The following CNTNAP2 variants were observed in gnomAD, a reference collection of about 807,000 sequenced individuals.
CNTNAP2 encodes the protein contactin associated protein 2.
In CNTNAP2, 98 loss-of-function variants were observed where a neutral mutation model predicts 155.2. The ratio of observed to expected loss-of-function variants is 0.63; its 90% CI spans 0.54 to 0.75. The LOEUF is 0.75. Among genes scored for constraint, CNTNAP2 ranks in the 30% least tolerant of loss-of-function variants. The pLI, the probability that CNTNAP2 is intolerant of heterozygous loss-of-function variation, is 0.00. For synonymous variants in CNTNAP2, 651 were observed against 631.2 expected (o/e 1.03, Z -0.47); for missense variants, 1,727 against 1,688.1 (o/e 1.02, Z -0.40).
chr7:147,080,834 A>G (rs1584824842), intron 4 of CNTNAP2: 1 of 151,518 alleles, frequency 6.6e-6, no homozygotes, highest in African/African-American at 2.4e-5. Context: ...TCGTTTTCCT[A>G]CCTCTTCCTG....
intron 9 of CNTNAP2, among the ~76,000 whole-genome samples, chr7:147,302,180 G>A (rs749589334): frequency 8.5e-5 from 13 of 152,188 alleles, no homozygotes; most frequent in Admixed American, 2.6e-4. Flanking sequence ...ATGGCCAACA[G>A]TTTTCATTGC....
Position 146,138,015 on chromosome 7 carries a change from A to G in CNTNAP2, c.97+21042A>G, listed in dbSNP as rs147283812. On this transcript the variant is annotated intron_variant, in intron 1 of 23. Transcript: ENST00000361727. The stretch of plus-strand genomic sequence containing the variant: ...TTCAAATTAGGTTTAAATATTTTTC[A>G]GTTAAATTTGGTTTTTGCAAACTAC... 5.3e-3 allele frequency among the ~76,000 whole-genome samples: 801 copies of G among 152,084 alleles called. 6 individuals carry two copies. Among genetic ancestry groups the G allele is most frequent in the African/African-American group, 0.018 (759 of 41,544 alleles).
chr7:147,460,843 A>G (rs1030766611), intron 10 of CNTNAP2, among the ~76,000 whole-genome samples: 3 of 152,206 alleles, frequency 2.0e-5, no homozygotes, highest in Non-Finnish European at 4.4e-5. Context: ...GGGCTGTGGA[A>G]TTGAATGTTG....
chr7:146,253,192 T>C (rs113225160), intron 1 of CNTNAP2, among the ~76,000 whole-genome samples: 2 of 152,324 alleles, frequency 1.3e-5, no homozygotes, highest in East Asian at 1.9e-4. Context: ...AGTGCTGCCA[T>C]TTCCTCACTA....
At chr7:147,116,295 G>A (rs905685645) in intron 5 of CNTNAP2, among the ~76,000 whole-genome samples, 4 of 152,182 alleles carry the variant, frequency 2.6e-5, no homozygotes, top group African/African-American at 9.7e-5. Context: ...TCAGTCAGGA[G>A]GAATGAGGTC....
chr7:147,924,572 C>G (rs1228438404), intron 14 of CNTNAP2, among the ~76,000 whole-genome samples: 4 of 152,190 alleles, frequency 2.6e-5, no homozygotes, highest in African/African-American at 9.7e-5. Context: ...CAAGACCACA[C>G]CATTCATAAG....
intron 3 of CNTNAP2, among the ~76,000 whole-genome samples, chr7:146,897,997 A>C (rs1280702587): frequency 6.6e-6 from 1 of 152,116 alleles, no homozygotes; most frequent in East Asian, 1.9e-4. Context: ...TTTGTGATAT[A>C]TACATTTCAC....
At chr7:148,011,640 A>G (rs1168899093) in intron 15 of CNTNAP2, among the ~76,000 whole-genome samples, 1 of 152,140 alleles carries the variant, frequency 6.6e-6, no homozygotes, top group African/African-American at 2.4e-5. Context: ...CTCTGTCTCA[A>G]CAGGATTTGG....
At chr7:146,203,528 C>T (rs1798899833) in intron 1 of CNTNAP2, among the ~76,000 whole-genome samples, 1 of 152,116 alleles carries the variant, frequency 6.6e-6, no homozygotes, top group Non-Finnish European at 1.5e-5. Context: ...CCAGAAGCCC[C>T]CAAGTGTTCG....
intron 8 of CNTNAP2, among the ~76,000 whole-genome samples, chr7:147,186,388 T>C (rs1033061768): frequency 9.8e-5 from 15 of 152,310 alleles, no homozygotes; most frequent in African/African-American, 3.6e-4. Context: ...TCATTTACTT[T>C]GAAGCAAACT....
chr7:146,215,073 A>C lies in CNTNAP2; in HGVS notation c.97+98100A>C, dbSNP rs566542610. ...CATCAAATCAAATGACTCATGTCACAGATACATAAATATTACGTACATGGA... is the reference window on the plus strand; with the variant it reads ...CATCAAATCAAATGACTCATGTCACCGATACATAAATATTACGTACATGGA... On this transcript the variant is annotated intron_variant, in intron 1 of 23. Coordinates refer to ENST00000361727, the MANE Select transcript of CNTNAP2 (RefSeq NM_014141.6). 7.2e-4 allele frequency among the ~76,000 whole-genome samples: 110 copies of C among 152,334 alleles called. No individual in the cohort carries two copies. In the South Asian group the frequency reaches 0.023, roughly 31 times the overall value.
intron 1 of CNTNAP2, among the ~76,000 whole-genome samples, chr7:146,242,851 G>C (rs977951694): frequency 1.3e-5 from 2 of 152,242 alleles, no homozygotes; most frequent in African/African-American, 4.8e-5. Context: ...ACATTTAGAA[G>C]ATGATGTCAT....
intron 13 of CNTNAP2, among the ~76,000 whole-genome samples, chr7:147,684,607 G>A (rs888024936): frequency 6.6e-6 from 1 of 151,684 alleles, no homozygotes; most frequent in Non-Finnish European, 1.5e-5. Context: ...ATCGTTGATG[G>A]CCCTGAGGTG....
chr7:148,177,893 CTG>C (rs1491141340), intron 18 of CNTNAP2, among the ~76,000 whole-genome samples: 1 of 72,718 alleles, frequency 1.4e-5, no homozygotes. Context: ...TGAACAGACA[CTG>C]TTTTTTTTTT....
At chr7:147,986,429 G>C (rs1801618635) in intron 15 of CNTNAP2, among the ~76,000 whole-genome samples, 1 of 152,104 alleles carries the variant, frequency 6.6e-6, no homozygotes, top group African/African-American at 2.4e-5. Context: ...CCCACAAAAT[G>C]TGGCTGTATA....
chr7:146,937,207 G>A (rs1451971952), intron 3 of CNTNAP2, among the ~76,000 whole-genome samples: 1 of 151,830 alleles, frequency 6.6e-6, no homozygotes, highest in Non-Finnish European at 1.5e-5. Context: ...CTAACACAGT[G>A]AAACCCCGTC....
At chr7:146,212,285 A>C (rs763512863) in intron 1 of CNTNAP2, among the ~76,000 whole-genome samples, 1 of 152,094 alleles carries the variant, frequency 6.6e-6, no homozygotes, top group Non-Finnish European at 1.5e-5. Flanking sequence ...GAACTATTTG[A>C]CTTACTAAAT....
At chr7:146,829,796 C>A (rs10239610) in intron 2 of CNTNAP2, among the ~76,000 whole-genome samples, 3 of 151,986 alleles carry the variant, frequency 2.0e-5, no homozygotes, top group Non-Finnish European at 4.4e-5. Flanking sequence ...AGCAATGTTA[C>A]GAGATTGAGT....
chr7:147,688,504 G>A (rs894827531), intron 13 of CNTNAP2, among the ~76,000 whole-genome samples: 2 of 152,100 alleles, frequency 1.3e-5, no homozygotes, highest in East Asian at 1.9e-4. Context: ...TCCCAGAACA[G>A]CCTATCAGGT....
Sources: allele counts gnomAD v4.1 joint callset (sites outside exome capture counted in the v4.1 genomes callset), GRCh38; gene constraint gnomAD v4.1.1; transcripts MANE v1.5; gene names NCBI Gene and HGNC (gene_info 2026-07-23, HGNC 2026-07-21).